RIMS2: variants seen among roughly 807,000 people sequenced by gnomAD.
The protein encoded by RIMS2 is regulating synaptic membrane exocytosis 2.
RIMS2 carries 59 observed loss-of-function variants against 174.4 expected under a neutral mutation model. The ratio of observed to expected loss-of-function variants is 0.34; its 90% CI spans 0.27 to 0.42. The LOEUF is 0.42. RIMS2 is among the 10% of genes least tolerant of loss of function. The pLI is 1.00. For missense variants in RIMS2, 1,620 were observed against 1,666.3 expected (o/e 0.97, Z 0.48); for synonymous variants, 606 against 572.5 (o/e 1.06, Z -0.84).
At chr8:103,624,478 A>G (rs1351827092) in intron 1 of RIMS2, among the ~76,000 whole-genome samples, 2 of 152,196 alleles carry the variant, frequency 1.3e-5, no homozygotes, top group Admixed American at 6.5e-5. Context: ...GGGACTTCTT[A>G]GCCTCCATAA....
Position 104,041,243 on chromosome 8 carries a change from AGT to A in RIMS2, c.3334+26631_3334+26632del. On this transcript the variant is annotated intron_variant, in intron 19 of 23. Coordinates refer to ENST00000504942, the Ensembl canonical transcript of RIMS2. ...AAAATGATCTGAGGCCCTTTCCATC[AGT>A]GTCACTTTTTACCTTTTGAGTACAT... is the stretch of plus-strand genomic sequence containing the variant. 3 of 543,762 alleles carry A rather than the reference AGT, an allele frequency of 5.5e-6. No homozygotes were observed. The South Asian group carries it at 7.6e-5, about 14-fold the overall frequency. The allele number at this position is 543,762 out of a possible 1,614,324, so 33.7% of individuals were successfully genotyped here. A position where few individuals can be genotyped will look rare whatever the true frequency, so the allele number is the denominator to read the frequency against.
At chr8:103,897,972 G>A (rs905759542) in intron 4 of RIMS2, among the ~76,000 whole-genome samples, 2 of 151,616 alleles carry the variant, frequency 1.3e-5, no homozygotes, top group East Asian at 1.9e-4. Flanking sequence ...TGCATAGTGT[G>A]GAATATGCTG....
Position 103,697,693 on chromosome 8 carries a change from A to C in RIMS2, c.387+397A>C, listed in dbSNP as rs534379180. Among the ~76,000 whole-genome samples, 14 of 152,202 alleles carry C rather than the reference A, an allele frequency of 9.2e-5. No homozygotes were observed. In the East Asian group the frequency reaches 2.7e-3, roughly 29 times the overall value. ...TGGTGAGCCATGATTGTGCCACTGCACTCCAGCCTGGGTGACAGAGTGAAA... is the reference window on the plus strand; with the variant it reads ...TGGTGAGCCATGATTGTGCCACTGCCCTCCAGCCTGGGTGACAGAGTGAAA... On this transcript the variant is annotated intron_variant, in intron 2 of 23. Coordinates refer to ENST00000504942, the Ensembl canonical transcript of RIMS2.
chr8:103,945,174 G>A (rs2083423956), intron 14 of RIMS2, among the ~76,000 whole-genome samples: 2 of 151,848 alleles, frequency 1.3e-5, no homozygotes, highest in African/African-American at 4.8e-5. Context: ...TTCCCCTTTG[G>A]GGAATTACAT....
rs573424515 is a variant in RIMS2, at chr8:103,852,371, T to C, written c.699-32927T>C. 2.6e-5 allele frequency among the ~76,000 whole-genome samples: 4 copies of C among 152,016 alleles called. No homozygotes were observed. In the South Asian group the frequency reaches 8.3e-4, roughly 32 times the overall value. ...TGAAGTCTGAAACTAAGATCATAGG[T>C]AGTATTACAGTAGAATTAAATTTTG... On this transcript the variant is annotated intron_variant, in intron 3 of 23. Transcript: ENST00000504942.
intron 19 of RIMS2, among the ~76,000 whole-genome samples, chr8:104,181,764 T>A (rs1361152870): frequency 6.6e-6 from 1 of 151,744 alleles, no homozygotes; most frequent in Non-Finnish European, 1.5e-5. Context: ...AAATTTGATT[T>A]TTATGCAGTA....
chr8:104,164,539 A>G (rs148288892), intron 19 of RIMS2, among the ~76,000 whole-genome samples: 2 of 152,324 alleles, frequency 1.3e-5, no homozygotes, highest in African/African-American at 4.8e-5. Context: ...TAGCAAACAC[A>G]TGAAATCAAC....
chr8:104,215,608 G>A (rs886998127), intron 19 of RIMS2, among the ~76,000 whole-genome samples: 1 of 152,152 alleles, frequency 6.6e-6, no homozygotes, highest in Non-Finnish European at 1.5e-5. Flanking sequence ...ATAAGAAGTT[G>A]CTAGGTGATG....
chr8:103,814,297 T>C (rs1265781883), intron 3 of RIMS2, among the ~76,000 whole-genome samples: 1 of 151,676 alleles, frequency 6.6e-6, no homozygotes, highest in African/African-American at 2.4e-5. Context: ...AACTAATAAG[T>C]ACTATGCGTG....
intron 2 of RIMS2, among the ~76,000 whole-genome samples, chr8:103,717,119 A>C (rs1396843504): frequency 7.0e-6 from 1 of 142,102 alleles, no homozygotes; most frequent in African/African-American, 2.6e-5. Context: ...TTCAGCTGAT[A>C]GTTTCTAAAT....
At chr8:104,093,513 T>G in intron 19 of RIMS2, 1 of 1,597,342 alleles carries the variant, frequency 6.3e-7, no homozygotes, top group African/African-American at 1.3e-5. Flanking sequence ...AGATAATGTT[T>G]CTACTAAATC....
intron 2 of RIMS2, among the ~76,000 whole-genome samples, chr8:103,705,830 G>T (rs932346071): frequency 3.3e-5 from 5 of 150,192 alleles, no homozygotes; most frequent in Non-Finnish European, 5.9e-5. Context: ...GCATATATTT[G>T]GATCTTTTTT....
At chr8:103,758,416 A>G (rs763446470) in intron 2 of RIMS2, among the ~76,000 whole-genome samples, 3 of 152,148 alleles carry the variant, frequency 2.0e-5, no homozygotes, top group Non-Finnish European at 4.4e-5. Flanking sequence ...TTCAGTGTCA[A>G]AGTTACAAGT....
chr8:103,975,037 A>T (rs561142233), intron 15 of RIMS2, among the ~76,000 whole-genome samples: 1 of 152,356 alleles, frequency 6.6e-6, no homozygotes, highest in South Asian at 2.1e-4. Context: ...ATATTTTTAG[A>T]ATAAATTTGA....
chr8:104,083,590 A>G (rs2097472966), intron 19 of RIMS2, among the ~76,000 whole-genome samples: 1 of 152,152 alleles, frequency 6.6e-6, no homozygotes, highest in South Asian at 2.1e-4. Flanking sequence ...GACTTTTCTT[A>G]ATTCTAGTAG....
chr8:103,881,638 A>G (rs1203079777), intron 3 of RIMS2, among the ~76,000 whole-genome samples: 4 of 151,562 alleles, frequency 2.6e-5, no homozygotes, highest in African/African-American at 4.8e-5. Flanking sequence ...AACATTTATA[A>G]TGGAGCATCA....
chr8:103,827,365 G>A (rs1046371737), intron 3 of RIMS2, among the ~76,000 whole-genome samples: 3 of 151,908 alleles, frequency 2.0e-5, no homozygotes, highest in Non-Finnish European at 4.4e-5. Context: ...TAGTTGCTTT[G>A]TAGATTTGTT....
intron 1 of RIMS2, among the ~76,000 whole-genome samples, chr8:103,588,924 T>G (rs1404246345): frequency 6.6e-6 from 1 of 151,746 alleles, no homozygotes; most frequent in East Asian, 1.9e-4. Flanking sequence ...CACATCAAGT[T>G]AAAAAGCTAC....
At chr8:103,922,667 G>T (rs777794785) in intron 10 of RIMS2, 3 of 393,534 alleles carry the variant, frequency 7.6e-6, no homozygotes, top group South Asian at 5.5e-5. Flanking sequence ...TAAATTATTT[G>T]AGGCTGATAT....
Sources: allele counts gnomAD v4.1 joint callset (sites outside exome capture counted in the v4.1 genomes callset), GRCh38; gene constraint gnomAD v4.1.1; transcripts MANE v1.5; gene names NCBI Gene and HGNC (gene_info 2026-07-23, HGNC 2026-07-21).